The following LRRTM4 variants were observed in gnomAD, a reference collection of about 807,000 sequenced individuals.
The protein encoded by LRRTM4 is leucine rich repeat transmembrane neuronal 4, also known as leucine-rich repeat transmembrane neuronal protein 4.
LRRTM4 carries 25 observed loss-of-function variants against 47.6 expected under a neutral mutation model. That is an observed-to-expected ratio of 0.53 (90% CI 0.38 to 0.73). LRRTM4 has a LOEUF of 0.73. Among genes scored for constraint, LRRTM4 ranks in the 30% least tolerant of loss-of-function variants. The probability of loss-of-function intolerance (pLI) is 0.00; values close to 1 mark genes in which losing one functional copy is unlikely to be tolerated. For missense variants in LRRTM4, 638 were observed against 713.4 expected (o/e 0.89, Z 1.20); for synonymous variants, 311 against 269.5 (o/e 1.15, Z -1.51).
intron 3 of LRRTM4, among the ~76,000 whole-genome samples, chr2:77,327,692 T>C (rs1346759523): frequency 6.6e-6 from 1 of 152,184 alleles, no homozygotes; most frequent in African/African-American, 2.4e-5. Context: ...AAGGCCTACC[T>C]TCTCTAGACA....
At chr2:77,233,242 C>G (rs560736987) in intron 3 of LRRTM4, among the ~76,000 whole-genome samples, 1 of 152,288 alleles carries the variant, frequency 6.6e-6, no homozygotes, top group African/African-American at 2.4e-5. Context: ...AAATCTACCA[C>G]ATTTCTATCC....
chr2:77,364,864 T>C (rs550624266), intron 3 of LRRTM4, among the ~76,000 whole-genome samples: 44 of 152,206 alleles, frequency 2.9e-4, no homozygotes, highest in African/African-American at 1.1e-3. Context: ...GCTTTTAGAT[T>C]CACCAGAGTA....
chr2:77,099,242 CATT>C (rs1251611511), intron 3 of LRRTM4, among the ~76,000 whole-genome samples: 2 of 151,680 alleles, frequency 1.3e-5, no homozygotes, highest in Non-Finnish European at 3.0e-5. Context: ...ATAATGAAAA[CATT>C]AACTGTACTA....
chr2:77,505,144 G>C (rs1280300883), intron 3 of LRRTM4, among the ~76,000 whole-genome samples: 1 of 150,748 alleles, frequency 6.6e-6, no homozygotes, highest in Non-Finnish European at 1.5e-5. Context: ...AGCTGATCTG[G>C]AAAAGAATAT....
At chr2:76,974,218 A>G (rs1676334877) in intron 3 of LRRTM4, among the ~76,000 whole-genome samples, 1 of 124,192 alleles carries the variant, frequency 8.1e-6, no homozygotes, top group South Asian at 2.2e-4. Context: ...ATACACATAT[A>G]TATACATACA....
intron 3 of LRRTM4, among the ~76,000 whole-genome samples, chr2:77,484,656 A>G (rs4309596): frequency 0.33 from 50,335 of 152,086 alleles, 8,503 homozygotes; most frequent in Middle Eastern, 0.35. Flanking sequence ...GTAAAAACAT[A>G]TTTTTCAGAC....
intron 3 of LRRTM4, among the ~76,000 whole-genome samples, chr2:77,108,614 C>T (rs1157354663): frequency 2.8e-5 from 4 of 142,916 alleles, no homozygotes; most frequent in Admixed American, 7.2e-5. Flanking sequence ...GACGGAGTCT[C>T]GCTCTGTCGC....
chr2:77,049,300 C>CTT (rs927745500), intron 3 of LRRTM4, among the ~76,000 whole-genome samples: 3 of 150,598 alleles, frequency 2.0e-5, no homozygotes, highest in Non-Finnish European at 3.0e-5. Context: ...ATTTCTTTTC[C>CTT]TTTTTCTTTT....
intron 3 of LRRTM4, among the ~76,000 whole-genome samples, chr2:77,109,379 AAG>A (rs1234417124): frequency 6.6e-6 from 1 of 152,214 alleles, no homozygotes; most frequent in Admixed American, 6.5e-5. Flanking sequence ...TTAAAGTAGA[AAG>A]AGTTATTTCC....
intron 3 of LRRTM4, among the ~76,000 whole-genome samples, chr2:76,816,727 G>C (rs1442139096): frequency 6.7e-6 from 1 of 149,244 alleles, no homozygotes; most frequent in African/African-American, 2.4e-5. Context: ...TATTCAGAAA[G>C]CTCCTCGAGC....
chr2:77,494,985 C>G (rs1329336479), intron 3 of LRRTM4, among the ~76,000 whole-genome samples: 4 of 152,036 alleles, frequency 2.6e-5, no homozygotes, highest in Non-Finnish European at 4.4e-5. Flanking sequence ...CAGTGTGTTT[C>G]TTTTTATTGC....
intron 3 of LRRTM4, chr2:77,009,358 T>C (rs552428414): frequency 6.6e-6 from 1 of 152,276 alleles, no homozygotes; most frequent in Admixed American, 6.5e-5. Flanking sequence ...CCATTTTCCT[T>C]AGAAGTTGAA....
intron 2 of LRRTM4, among the ~76,000 whole-genome samples, chr2:77,520,291 G>C (rs2861053): frequency 1 from 152,155 of 152,162 alleles, 76,074 homozygotes; most frequent in Middle Eastern, 1. Flanking sequence ...ACCTGTACGT[G>C]TTTCCCAGTT....
At chr2:76,862,121 TAAC>T (rs112813251) in intron 3 of LRRTM4, among the ~76,000 whole-genome samples, 6,313 of 152,048 alleles carry the variant, frequency 0.042, 428 homozygotes, top group African/African-American at 0.14. Context: ...TTGCAATAAA[TAAC>T]AACACTTGTT....
chr2:77,260,692 A>C (rs1675896987), intron 3 of LRRTM4, among the ~76,000 whole-genome samples: 1 of 144,198 alleles, frequency 6.9e-6, no homozygotes, highest in Non-Finnish European at 1.5e-5. Flanking sequence ...AAATGCTGTC[A>C]AAACATAGCA....
chr2:76,981,875 A>C (rs1403759942), intron 3 of LRRTM4, among the ~76,000 whole-genome samples: 1 of 151,992 alleles, frequency 6.6e-6, no homozygotes, highest in Non-Finnish European at 1.5e-5. Flanking sequence ...TTTTGTTTTA[A>C]ACATTAGATA....
At chr2:77,265,068 C>A (rs74328962) in intron 3 of LRRTM4, among the ~76,000 whole-genome samples, 2 of 151,824 alleles carry the variant, frequency 1.3e-5, no homozygotes, top group Non-Finnish European at 1.5e-5. Flanking sequence ...ACCAAAAGGG[C>A]GATCATGTCA....
intron 3 of LRRTM4, among the ~76,000 whole-genome samples, chr2:76,997,369 T>C (rs868798999): frequency 1.3e-5 from 2 of 152,188 alleles, no homozygotes; most frequent in Middle Eastern, 6.8e-3. Flanking sequence ...GTTTGATGAT[T>C]TAAAAATCTC....
At chr2:77,351,556 A>AT (rs1261045985) in intron 3 of LRRTM4, among the ~76,000 whole-genome samples, 1 of 150,842 alleles carries the variant, frequency 6.6e-6, no homozygotes, top group Non-Finnish European at 1.5e-5. Context: ...TCCATGAGAT[A>AT]TTTTTAAAGA....
Sources: allele counts gnomAD v4.1 joint callset (sites outside exome capture counted in the v4.1 genomes callset), GRCh38; gene constraint gnomAD v4.1.1; transcripts MANE v1.5; gene names NCBI Gene and HGNC (gene_info 2026-07-23, HGNC 2026-07-21).